Variants in HCN1 observed in about 807,000 individuals in gnomAD.
The protein encoded by HCN1 is hyperpolarization activated cyclic nucleotide gated potassium channel 1.
A neutral mutation model predicts 78.9 loss-of-function variants in HCN1; 13 were observed. The ratio of observed to expected loss-of-function variants is 0.16; its 90% confidence interval spans 0.11 to 0.26. The LOEUF (loss-of-function observed/expected upper bound fraction) is 0.26, where lower values mean the gene tolerates loss of function less well. HCN1 is among the 10% of genes least tolerant of loss of function. The pLI, the probability that HCN1 is intolerant of heterozygous loss-of-function variation, is 1.00. For synonymous variants in HCN1, 552 were observed against 455.5 expected, an observed-to-expected ratio of 1.21 and a Z score of -2.70; for missense variants, 810 against 1,154.3, an observed-to-expected ratio of 0.70 and a Z score of 4.32.
chr5:45,310,881 G>A (rs1487750637), intron 5 of HCN1, among the ~76,000 whole-genome samples: 2 of 152,140 alleles, frequency 1.3e-5, no homozygotes, highest in African/African-American at 4.8e-5. Context: ...GATGGAACTG[G>A]AGGCTATCAT....
intron 2 of HCN1, among the ~76,000 whole-genome samples, chr5:45,476,785 G>C (rs556449002): frequency 1.6e-3 from 241 of 152,144 alleles, no homozygotes; most frequent in African/African-American, 5.6e-3. Flanking sequence ...AACATTTTGA[G>C]CACTGCCATG....
rs546992042 is a variant in HCN1 at position 45,307,482 on chromosome 5, A to G, written c.1378-3643T>C. 4.6e-5 allele frequency among the ~76,000 whole-genome samples: 7 copies of G among 152,284 alleles called. No individual in the cohort carries two copies. In the East Asian group the frequency reaches 1.4e-3, roughly 30 times the overall value. ...ATGTTAACATCAACAGTGCTAAATC[A>G]TGTTGGTAGCATGTACTCTTGGTTT... is the stretch of plus-strand genomic sequence containing the variant. On this transcript the variant is annotated intron_variant, in intron 5 of 7. Coordinates refer to ENST00000303230, the MANE Select transcript of HCN1 (RefSeq NM_021072.4).
chr5:45,682,803 C>G (rs1200545969), intron 1 of HCN1, among the ~76,000 whole-genome samples: 2 of 151,762 alleles, frequency 1.3e-5, no homozygotes, highest in African/African-American at 2.4e-5. Flanking sequence ...AGATGATAAC[C>G]TGGAGTTTAA....
At chr5:45,529,820 A>C (rs1742803333) in intron 2 of HCN1, among the ~76,000 whole-genome samples, 1 of 152,140 alleles carries the variant, frequency 6.6e-6, no homozygotes, top group African/African-American at 2.4e-5. Flanking sequence ...CAAATAATCA[A>C]TTATAAATCT....
chr5:45,431,374 T>C (rs968611752), intron 3 of HCN1, among the ~76,000 whole-genome samples: 1 of 152,170 alleles, frequency 6.6e-6, no homozygotes, highest in African/African-American at 2.4e-5. Context: ...TTTATCACAT[T>C]CTCTATGCTG....
intron 1 of HCN1, among the ~76,000 whole-genome samples, chr5:45,658,379 T>C (rs184936089): frequency 0.012 from 1,877 of 152,254 alleles, 32 homozygotes; most frequent in African/African-American, 0.043. Context: ...AAAGTCAGAA[T>C]TGACAAATGG....
intron 4 of HCN1, among the ~76,000 whole-genome samples, chr5:45,390,405 A>C (rs1739520390): frequency 6.6e-6 from 1 of 152,206 alleles, no homozygotes; most frequent in Non-Finnish European, 1.5e-5. Context: ...AAATTCAAAC[A>C]GTTCTAAAAT....
At chr5:45,606,152 C>G (rs1226952557) in intron 2 of HCN1, among the ~76,000 whole-genome samples, 1 of 151,948 alleles carries the variant, frequency 6.6e-6, no homozygotes, top group Non-Finnish European at 1.5e-5. Context: ...CAACCATTGC[C>G]AGAAAATTTC....
At chr5:45,443,427 T>C (rs1740722559) in intron 3 of HCN1, among the ~76,000 whole-genome samples, 1 of 152,066 alleles carries the variant, frequency 6.6e-6, no homozygotes, top group African/African-American at 2.4e-5. Flanking sequence ...AGGTGTTTGG[T>C]TGGTTGTTTA....
chr5:45,349,773 G>C (rs981676385), intron 5 of HCN1, among the ~76,000 whole-genome samples: 2 of 151,936 alleles, frequency 1.3e-5, no homozygotes, highest in African/African-American at 4.8e-5. Context: ...AGAAAATCTA[G>C]AAGAAATGGA....
chr5:45,448,068 A>T, intron 3 of HCN1, among the ~76,000 whole-genome samples: 1 of 151,944 alleles, frequency 6.6e-6, no homozygotes, highest in East Asian at 1.9e-4. Context: ...TTTTATAATT[A>T]CCAAATTATA....
intron 2 of HCN1, among the ~76,000 whole-genome samples, chr5:45,513,110 C>CA (rs1447930924): frequency 6.6e-6 from 1 of 151,998 alleles, no homozygotes; most frequent in Non-Finnish European, 1.5e-5. Flanking sequence ...GACACATATG[C>CA]ACAATACACA....
At chr5:45,309,827 C>G (rs749103361) in intron 5 of HCN1, among the ~76,000 whole-genome samples, 9 of 152,010 alleles carry the variant, frequency 5.9e-5, no homozygotes, top group African/African-American at 9.7e-5. Flanking sequence ...CTGAAGTTTT[C>G]TTTTTTTGTT....
intron 5 of HCN1, among the ~76,000 whole-genome samples, chr5:45,341,255 T>G (rs943185094): frequency 6.6e-6 from 1 of 152,174 alleles, no homozygotes; most frequent in Non-Finnish European, 1.5e-5. Context: ...AGGAAAAAAT[T>G]CAACCTGTTT....
chr5:45,608,116 AT>A (rs928429362), intron 2 of HCN1, among the ~76,000 whole-genome samples: 36 of 151,966 alleles, frequency 2.4e-4, no homozygotes, highest in Non-Finnish European at 4.9e-4. Context: ...ATAAGATACT[AT>A]TTAAAATAAG....
At chr5:45,584,398 C>T (rs1451881405) in intron 2 of HCN1, among the ~76,000 whole-genome samples, 3 of 152,152 alleles carry the variant, frequency 2.0e-5, no homozygotes, top group Non-Finnish European at 4.4e-5. Context: ...CTTCCTCCAT[C>T]CTTTTATTTT....
chr5:45,367,902 T>C (rs546238032), intron 4 of HCN1, among the ~76,000 whole-genome samples: 5 of 151,934 alleles, frequency 3.3e-5, no homozygotes, highest in African/African-American at 1.2e-4. Flanking sequence ...AAAATGAGGG[T>C]GAGTCAAGAT....
Position 45,558,813 on chromosome 5 carries a change from G to C in HCN1, c.849+86372C>G, listed in dbSNP as rs1743532785. The C allele has an allele frequency of 2.0e-5, 3 of 151,976 alleles. No individual in the cohort carries two copies. The South Asian group carries it at 6.2e-4, about 32-fold the overall frequency. The allele number at this position is 151,976 out of a possible 1,614,324, so 9.4% of individuals were successfully genotyped here. A position where few individuals can be genotyped will look rare whatever the true frequency, so the allele number is the denominator to read the frequency against. ...ATACAGGATCTTGCTCTGTCACCCA[G>C]GCTAGAGTGTGGTGGCATTATCATA... is the stretch of plus-strand genomic sequence containing the variant. On this transcript the variant is annotated intron_variant, in intron 2 of 7. Coordinates refer to ENST00000303230, the MANE Select transcript of HCN1 (RefSeq NM_021072.4).
chr5:45,278,020 C>A (rs1347860833), intron 6 of HCN1, among the ~76,000 whole-genome samples: 1 of 152,048 alleles, frequency 6.6e-6, no homozygotes, highest in Non-Finnish European at 1.5e-5. Context: ...TCCCTTGCTT[C>A]TTTTCTTCCT....
Sources: allele counts gnomAD v4.1 joint callset (sites outside exome capture counted in the v4.1 genomes callset), GRCh38; gene constraint gnomAD v4.1.1; transcripts MANE v1.5; gene names NCBI Gene and HGNC (gene_info 2026-07-23, HGNC 2026-07-21).